The following SEMA4D variants were observed in gnomAD, a reference collection of about 807,000 sequenced individuals.
SEMA4D encodes semaphorin 4D.
SEMA4D carries 22 observed loss-of-function variants against 74.8 expected under a neutral mutation model. That is an observed-to-expected ratio of 0.29 (90% CI 0.21 to 0.42). The LOEUF (loss-of-function observed/expected upper bound fraction) is 0.42. Among genes scored for constraint, SEMA4D ranks in the 10% least tolerant of loss-of-function variants. The pLI is 1.00. For missense variants in SEMA4D, 937 were observed against 1,118.4 expected (o/e 0.84, Z 2.31); for synonymous variants, 445 against 463.7 (o/e 0.96, Z 0.52).
chr9:89,370,768 A>ATG (rs1309495450), intron 16 of SEMA4D, among the ~76,000 whole-genome samples: 1 of 68,972 alleles, frequency 1.4e-5, no homozygotes, highest in Admixed American at 1.5e-4. Context: ...GAGGGGTGTG[A>ATG]TGTGTGTGTG....
In SEMA4D at chr9:89,392,294, T is replaced by TCC. The variant is rs35124001; in HGVS notation, c.622+127_622+128dup. On this transcript the variant is annotated intron_variant, in intron 8 of 15. Transcript: ENST00000422704. ...CCATTGCTGGACAGTTTGGGAAGTATCCCCCACAAACAGGGGCTAACACAA... is the reference window on the plus strand; with the variant it reads ...CCATTGCTGGACAGTTTGGGAAGTATCCCCCCCACAAACAGGGGCTAACACAA... 6 of 655,722 alleles carry TCC rather than the reference T, an allele frequency of 9.2e-6. No homozygotes were observed. The African/African-American group carries it at 1.1e-4, about 12-fold the overall frequency. The allele number at this position is 655,722 out of a possible 1,614,324, so 40.6% of individuals were successfully genotyped here.
chr9:89,430,645 A>G (rs1003971352), intron 2 of SEMA4D, among the ~76,000 whole-genome samples: 2 of 152,238 alleles, frequency 1.3e-5, no homozygotes, highest in African/African-American at 4.8e-5. Context: ...GTTTATCTCC[A>G]TGGTGCCTTA....
intron 2 of SEMA4D, among the ~76,000 whole-genome samples, chr9:89,441,451 C>A (rs1183726423): frequency 6.6e-6 from 1 of 152,206 alleles, no homozygotes; most frequent in African/African-American, 2.4e-5. Flanking sequence ...GGGATGTGGC[C>A]GAGGTGATGA....
intron 1 of SEMA4D, among the ~76,000 whole-genome samples, chr9:89,496,065 G>A (rs1051888807): frequency 6.6e-6 from 1 of 152,178 alleles, no homozygotes; most frequent in African/African-American, 2.4e-5. Flanking sequence ...CACATGGAGA[G>A]GACTGTCCAC....
intron 2 of SEMA4D, chr9:89,418,538 T>C (rs1470088812): frequency 2.2e-6 from 1 of 457,258 alleles, no homozygotes; most frequent in East Asian, 1.5e-4. Flanking sequence ...CAGAAACACA[T>C]ATGGCATAAT....
intron 1 of SEMA4D, among the ~76,000 whole-genome samples, chr9:89,487,914 GT>G (rs1564010967): frequency 6.6e-6 from 1 of 152,182 alleles, no homozygotes; most frequent in Non-Finnish European, 1.5e-5. Flanking sequence ...TTGTTACAAT[GT>G]TTTTTCCCAA....
chr9:89,417,882 C>A (rs1374935496), intron 2 of SEMA4D, among the ~76,000 whole-genome samples: 1 of 152,208 alleles, frequency 6.6e-6, no homozygotes, highest in Non-Finnish European at 1.5e-5. Context: ...GTGCCCAGCA[C>A]CCACCTCCCC....
intron 2 of SEMA4D, among the ~76,000 whole-genome samples, chr9:89,444,513 A>G (rs1852382024): frequency 6.6e-6 from 1 of 152,240 alleles, no homozygotes; most frequent in African/African-American, 2.4e-5. Context: ...AACCCAGTTT[A>G]CATGAGACCC....
At chr9:89,388,340 T>A (rs1435849250) in intron 11 of SEMA4D, among the ~76,000 whole-genome samples, 1 of 152,248 alleles carries the variant, frequency 6.6e-6, no homozygotes, top group Non-Finnish European at 1.5e-5. Flanking sequence ...TGCCAAGGAA[T>A]CATGTGTTTC....
intron 12 of SEMA4D, 73 bp downstream of exon 12, chr9:89,387,313 G>A: frequency 7.7e-7 from 1 of 1,302,556 alleles, no homozygotes; most frequent in South Asian, 1.4e-5. Context: ...AGAATAATTG[G>A]ATTTCCCAGT....
At chr9:89,408,284 G>A (rs923445774) in intron 2 of SEMA4D, among the ~76,000 whole-genome samples, 4 of 152,250 alleles carry the variant, frequency 2.6e-5, no homozygotes, top group African/African-American at 7.2e-5. Flanking sequence ...CCCACGCCCT[G>A]GAGTGGGGCT....
rs752839931 is a variant in SEMA4D at position 89,381,062 on chromosome 9, C to A, written c.1656G>T (p.Val552=). The stretch of plus-strand genomic sequence containing the variant: ...CGTCGAGGAGTCACTCACCCGGGCA[C>A]ACAGAAGCATCGCCGCTCATCTCCT... The part of the protein sequence containing the change: ...LIQEMSGDAS[V]CPDKSKGSYR... The change falls in exon 15 of 16, where the codon GTG becomes GTT. Residue 552 remains valine (V), a synonymous_variant. Coordinates refer to ENST00000422704, the MANE Select transcript of SEMA4D (RefSeq NM_001371194.2). This position sits in a 1 kb window ranked among gnomAD's most constrained non-coding sequence, Gnocchi z 4.6. 1 of 1,614,032 alleles carries A rather than the reference C, an allele frequency of 6.2e-7. No individual in the cohort carries two copies. Among genetic ancestry groups the A allele is most frequent in the African/African-American group, 1.3e-5 (1 of 74,940 alleles).
intron 1 of SEMA4D, among the ~76,000 whole-genome samples, chr9:89,489,202 G>C (rs1482108722): frequency 1.3e-5 from 2 of 152,218 alleles, no homozygotes; most frequent in Non-Finnish European, 2.9e-5. Flanking sequence ...TTGCAAAGCA[G>C]TTTGCCAGAT....
chr9:89,414,309 G>C (rs1158572470), intron 2 of SEMA4D, among the ~76,000 whole-genome samples: 1 of 152,208 alleles, frequency 6.6e-6, no homozygotes. Flanking sequence ...ACTACTGCCT[G>C]GGGGAGCGTG....
intron 2 of SEMA4D, among the ~76,000 whole-genome samples, chr9:89,413,150 T>G (rs535895917): frequency 6.6e-6 from 1 of 152,210 alleles, no homozygotes; most frequent in Non-Finnish European, 1.5e-5. Flanking sequence ...TCAGAAAGAA[T>G]GACTTGACAC....
chr9:89,401,450 G>C (rs1217133605), intron 4 of SEMA4D, among the ~76,000 whole-genome samples: 1 of 152,194 alleles, frequency 6.6e-6, no homozygotes, highest in Non-Finnish European at 1.5e-5. Flanking sequence ...AAAACAAAAA[G>C]AGATCTGGGC....
chr9:89,465,462 G>C (rs1466659300), intron 1 of SEMA4D, among the ~76,000 whole-genome samples: 1 of 105,814 alleles, frequency 9.5e-6, no homozygotes, highest in Non-Finnish European at 2.6e-5. Context: ...GGAGTTGGCT[G>C]GGGGAATGGG....
chr9:89,483,521 A>G (rs1433747414), intron 1 of SEMA4D, among the ~76,000 whole-genome samples: 1 of 152,234 alleles, frequency 6.6e-6, no homozygotes, highest in African/African-American at 2.4e-5. Context: ...ATAATAATAC[A>G]TAGTGTACAC....
intron 2 of SEMA4D, among the ~76,000 whole-genome samples, chr9:89,438,041 T>C (rs182306476): frequency 1.4e-4 from 22 of 152,318 alleles, no homozygotes; most frequent in African/African-American, 5.1e-4. Flanking sequence ...CTCAGCAAGA[T>C]GCAGAGAGGA....
Sources: gnomAD v4.1 joint callset for allele counts (sites outside exome capture counted in the v4.1 genomes callset) on GRCh38, gnomAD v4.1.1 for gene constraint, Gnocchi (gnomAD v3.1) non-coding constraint, MANE v1.5 for transcripts, NCBI Gene and HGNC (gene_info 2026-07-23, HGNC 2026-07-21) for gene names.